The following ELP4 variants were observed in gnomAD, a reference collection of about 807,000 sequenced individuals.
The protein encoded by ELP4 is elongator acetyltransferase complex subunit 4.
In ELP4, 51 loss-of-function variants were observed where a neutral mutation model predicts 48.9. That is an observed-to-expected ratio of 1.04 (90% CI 0.83 to 1.32). The LOEUF is 1.32. Among genes scored for constraint, ELP4 ranks in the 40% most tolerant of loss-of-function variants. The pLI, the probability that ELP4 is intolerant of heterozygous loss-of-function variation, is 0.00. For missense variants in ELP4, 519 were observed against 514.6 expected (o/e 1.01, Z -0.08); for synonymous variants, 210 against 189.2 (o/e 1.11, Z -0.90).
At chr11:31,562,073 G>T (rs931125197) in intron 3 of ELP4, among the ~76,000 whole-genome samples, 4 of 152,244 alleles carry the variant, frequency 2.6e-5, no homozygotes, top group Middle Eastern at 3.4e-3. Context: ...TAGACATATT[G>T]CTGGGACCTC....
rs531797934 is a variant in ELP4 at position 31,528,005 on chromosome 11, C to T, written c.259+7914C>T. On this transcript the variant is annotated intron_variant, in intron 2 of 9. Transcript: ENST00000640961. ...CTTTGCTTATGTTCTTTCTTGCTGCCTTTTATTTTCCTCTTGTTTTTGAAG... is the reference window on the plus strand; with the variant it reads ...CTTTGCTTATGTTCTTTCTTGCTGCTTTTTATTTTCCTCTTGTTTTTGAAG... Among the ~76,000 whole-genome samples, 5 of 152,068 alleles carry T rather than the reference C, an allele frequency of 3.3e-5. No individual in the cohort carries two copies. The South Asian group carries it at 1.0e-3, about 32-fold the overall frequency.
chr11:31,663,745 G>T (rs1565101438), intron 9 of ELP4: 1 of 151,632 alleles, frequency 6.6e-6, no homozygotes, highest in East Asian at 1.9e-4. Context: ...AAGTTTAAAG[G>T]GTGAATATAT....
chr11:31,594,969 G>T, intron 4 of ELP4, 68 bp downstream of exon 4: 3 of 1,324,922 alleles, frequency 2.3e-6, no homozygotes, highest in Non-Finnish European at 3.1e-6. Flanking sequence ...AGAATCTCTT[G>T]TGGTATGCCT....
chr11:31,592,283 G>T (rs546481964), intron 3 of ELP4, among the ~76,000 whole-genome samples: 1 of 151,908 alleles, frequency 6.6e-6, no homozygotes. Context: ...GGTGGCTCAC[G>T]CCTGTAATCC....
intron 9 of ELP4, among the ~76,000 whole-genome samples, chr11:31,683,349 A>G (rs1290632424): frequency 6.6e-6 from 1 of 152,124 alleles, no homozygotes; most frequent in Admixed American, 6.5e-5. Context: ...AAAATTTTCT[A>G]GTTTATAATT....
chr11:31,570,919 C>T (rs1957183894), intron 3 of ELP4, among the ~76,000 whole-genome samples: 2 of 150,172 alleles, frequency 1.3e-5, no homozygotes, highest in African/African-American at 4.9e-5. Flanking sequence ...TCTGCCTCAG[C>T]TTCCCAAGTA....
intron 9 of ELP4, among the ~76,000 whole-genome samples, chr11:31,758,324 C>T (rs1947874328): frequency 1.3e-5 from 2 of 152,036 alleles, no homozygotes; most frequent in Non-Finnish European, 2.9e-5. Context: ...CACTCATGTT[C>T]GTTCTTTATC....
At chr11:31,557,975 A>C (rs781779767) in intron 3 of ELP4, among the ~76,000 whole-genome samples, 1 of 152,068 alleles carries the variant, frequency 6.6e-6, no homozygotes, top group Admixed American at 6.6e-5. Context: ...AAATACAACT[A>C]TTAGGAGAGT....
Position 31,647,803 on chromosome 11 carries a change from T to A in ELP4, c.990T>A (p.Phe330Leu). 6.2e-7 allele frequency: 1 copy of A among 1,609,636 alleles called. No individual in the cohort carries two copies. Among genetic ancestry groups the A allele is most frequent in the South Asian group, 1.1e-5 (1 of 90,978 alleles). Residue 330 changes from phenylalanine to leucine, a missense_variant, in exon 8 of 10, where the codon TTT (phenylalanine) becomes TTA (leucine). Phe to Leu is a conservative substitution (Grantham distance 22). Transcript: ENST00000640961. Reference protein sequence around the residue: ...LSDVVVGLESFIGSERETNPL... With the variant: ...LSDVVVGLESLIGSERETNPL... ...ATGTAGTAGTTGGTCTGGAATCATT[T>A]ATTGGTTCTGAGAGAGAAACTAACC...
chr11:31,771,673 C>T (rs1948145364), intron 9 of ELP4, among the ~76,000 whole-genome samples: 1 of 152,166 alleles, frequency 6.6e-6, no homozygotes, highest in Non-Finnish European at 1.5e-5. Context: ...TCTTATGAAT[C>T]CCTTCTCAAA....
At chr11:31,545,788 T>A (rs145229132) in intron 3 of ELP4, among the ~76,000 whole-genome samples, 36,463 of 151,974 alleles carry the variant, frequency 0.24, 5,080 homozygotes, top group Non-Finnish European at 0.31. Context: ...CGGATCTCTC[T>A]GCAGAAACTC....
At chr11:31,749,443 T>C (rs1486678767) in intron 9 of ELP4, among the ~76,000 whole-genome samples, 1 of 152,242 alleles carries the variant, frequency 6.6e-6, no homozygotes. Flanking sequence ...ACAGTCACAC[T>C]GACTTTTCTA....
At chr11:31,515,614 T>C (rs1296030637) in intron 1 of ELP4, among the ~76,000 whole-genome samples, 1 of 152,150 alleles carries the variant, frequency 6.6e-6, no homozygotes, top group East Asian at 1.9e-4. Context: ...CAGTGAACCA[T>C]GATTGCACCA....
chr11:31,614,829 T>C (rs1958045753), intron 5 of ELP4, among the ~76,000 whole-genome samples: 1 of 152,144 alleles, frequency 6.6e-6, no homozygotes, highest in Non-Finnish European at 1.5e-5. Flanking sequence ...TCCTCAAAAG[T>C]GTCAAGATCA....
chr11:31,635,975 A>G (rs1944966994), intron 7 of ELP4, among the ~76,000 whole-genome samples: 1 of 152,018 alleles, frequency 6.6e-6, no homozygotes, highest in Non-Finnish European at 1.5e-5. Context: ...TGTTGTAACA[A>G]GACTCTTTAA....
chr11:31,613,341 A>G (rs2134015980), intron 5 of ELP4, among the ~76,000 whole-genome samples: 1 of 152,314 alleles, frequency 6.6e-6, no homozygotes, highest in Middle Eastern at 3.4e-3. Context: ...GCAGTCAAAT[A>G]AGCTCATGAA....
At chr11:31,673,321 GTTTGTTTGTT>G (rs1359623516) in intron 9 of ELP4, among the ~76,000 whole-genome samples, 3 of 151,562 alleles carry the variant, frequency 2.0e-5, no homozygotes, top group Non-Finnish European at 4.4e-5. Context: ...GTTGTTTTTT[GTTTGTTTGTT>G]TTTGTTTGTT....
chr11:31,620,316 A>AT (rs1367662397), intron 5 of ELP4, among the ~76,000 whole-genome samples: 12 of 151,982 alleles, frequency 7.9e-5, no homozygotes, highest in South Asian at 2.1e-4. Flanking sequence ...TTGACCATGG[A>AT]TTGAGATGGT....
intron 3 of ELP4, among the ~76,000 whole-genome samples, chr11:31,555,060 G>A (rs1199215912): frequency 6.6e-6 from 1 of 152,100 alleles, no homozygotes; most frequent in Non-Finnish European, 1.5e-5. Flanking sequence ...CAAAGCGCCT[G>A]TATGCTAAAT....
Sources: allele counts gnomAD v4.1 joint callset (sites outside exome capture counted in the v4.1 genomes callset), GRCh38; gene constraint gnomAD v4.1.1; transcripts MANE v1.5; gene names NCBI Gene and HGNC (gene_info 2026-07-23, HGNC 2026-07-21).